HMGXB3: variants seen among roughly 807,000 people sequenced by gnomAD.
The protein encoded by HMGXB3 is HMG domain-containing protein 3.
In HMGXB3, 45 loss-of-function variants were observed where a neutral mutation model predicts 121.5. The ratio of observed to expected loss-of-function variants is 0.37; its 90% confidence interval spans 0.29 to 0.47. The LOEUF is 0.47. Ranked by LOEUF, HMGXB3 falls within the 20% of genes least tolerant of loss-of-function variation. The pLI is 0.99. For synonymous variants in HMGXB3, 590 were observed against 624.1 expected (o/e 0.95, Z 0.81); for missense variants, 1,376 against 1,602.2 (o/e 0.86, Z 2.41).
intron 1 of HMGXB3, among the ~76,000 whole-genome samples, chr5:150,003,777 A>G (rs542384044): frequency 1.2e-4 from 19 of 152,044 alleles, no homozygotes; most frequent in Non-Finnish European, 2.8e-4. Context: ...CAGCCTGGCC[A>G]ACATGGCAAA....
intron 3 of HMGXB3, 35 bp from the exon 4 acceptor site, chr5:150,010,076 G>C: frequency 6.5e-7 from 1 of 1,534,124 alleles, no homozygotes; most frequent in Non-Finnish European, 8.8e-7. Context: ...ATTTATCTCT[G>C]CTTGTCTCCC....
rs974198581 is a variant in HMGXB3 at position 150,040,846 on chromosome 5, A to G, written c.2512A>G (p.Asn838Asp). 75 of 1,551,118 alleles carry G rather than the reference A, an allele frequency of 4.8e-5. No individual in the cohort carries two copies. The highest frequency in any genetic ancestry group is 6.3e-5 in the Non-Finnish European group (72 of 1,146,816). ...CGGAGAGGACCCCAGAGTGTCCATCAATGTTGTTCTGAAGTCGGTGCAGGA... is the reference window on the plus strand; with the variant it reads ...CGGAGAGGACCCCAGAGTGTCCATCGATGTTGTTCTGAAGTCGGTGCAGGA... ...KLGEDPRVSINVVLKSVQEQT... is the reference protein window; with the variant it reads ...KLGEDPRVSIDVVLKSVQEQT... Residue 838 changes from asparagine to aspartate, a missense_variant, in exon 14 of 20, where the codon AAT (asparagine) becomes GAT (aspartate). Around this residue, in one of 2 missense-constraint regions of HMGXB3, gnomAD observed 1,116 missense variants for 1,369.0 expected, o/e 0.82. Coordinates refer to ENST00000502717, the MANE Select transcript of HMGXB3 (RefSeq NM_014983.3).
intron 5 of HMGXB3, among the ~76,000 whole-genome samples, chr5:150,018,227 A>G (rs1756003840): frequency 6.6e-6 from 1 of 152,228 alleles, no homozygotes; most frequent in Non-Finnish European, 1.5e-5. Context: ...AATAATACGT[A>G]CTTAATACGA....
At chr5:150,051,689 C>T in intron 19 of HMGXB3, 36 bp from the exon 20 acceptor site, 10 of 1,455,022 alleles carry the variant, frequency 6.9e-6, no homozygotes, top group Non-Finnish European at 9.2e-6. Context: ...CTTAGTCATT[C>T]CTTCTTATCA....
intron 18 of HMGXB3, 54 bp from the exon 19 acceptor site, chr5:150,050,198 C>A (rs926557433): frequency 7.0e-7 from 1 of 1,428,972 alleles, no homozygotes; most frequent in Non-Finnish European, 9.7e-7. Context: ...ACTGTACACT[C>A]TCTGCAGACT....
Position 150,036,770 on chromosome 5 carries a change from G to C in HMGXB3, c.2118G>C (p.Leu706=). 6.4e-7 allele frequency: 1 copy of C among 1,551,726 alleles called. No individual in the cohort carries two copies. The highest frequency in any genetic ancestry group is 8.7e-7 in the Non-Finnish European group (1 of 1,147,014). The change falls in exon 12 of 20, where the codon CTG becomes CTC. Residue 706 remains leucine (L), a synonymous_variant. Coordinates refer to ENST00000502717, the MANE Select transcript of HMGXB3 (RefSeq NM_014983.3). ...VLQIPENESE[L]AEVFALIHEL... The stretch of plus-strand genomic sequence containing the variant: ...AGATTCCTGAGAATGAGTCAGAGCT[G>C]GCTGAGGTCTTCGCCTTGATTCATG...
At chr5:150,029,053 G>A (rs778098386) in intron 9 of HMGXB3, among the ~76,000 whole-genome samples, 1 of 152,028 alleles carries the variant, frequency 6.6e-6, no homozygotes, top group Non-Finnish European at 1.5e-5. Flanking sequence ...AGAAAATTCA[G>A]GTAAAGGAGA....
intron 16 of HMGXB3, 173 bp from the exon 17 acceptor site, chr5:150,047,451 T>C: frequency 2.9e-6 from 2 of 692,160 alleles, no homozygotes; most frequent in Non-Finnish European, 4.8e-6. Context: ...CCAGTTGTAA[T>C]AGACTTCAAA....
chr5:150,024,023 A>G (rs1756162205), intron 6 of HMGXB3, among the ~76,000 whole-genome samples: 1 of 152,260 alleles, frequency 6.6e-6, no homozygotes, highest in Admixed American at 6.5e-5. Flanking sequence ...ATAAGAATTC[A>G]TTAGAAGATG....
Position 150,041,952 on chromosome 5 carries a change from G to A in HMGXB3, c.2713G>A (p.Ala905Thr). 1 of 1,551,490 alleles carries A rather than the reference G, an allele frequency of 6.4e-7. No individual in the cohort carries two copies. Among genetic ancestry groups the A allele is most frequent in the Non-Finnish European group, 8.7e-7 (1 of 1,146,844 alleles). Residue 905 changes from alanine to threonine, a missense_variant, in exon 15 of 20, where the codon GCA becomes ACA. Physicochemically the swap from Ala to Thr is moderately conservative, Grantham distance 58. Coordinates refer to ENST00000502717, the MANE Select transcript of HMGXB3 (RefSeq NM_014983.3). The stretch of plus-strand genomic sequence containing the variant: ...TCAGAGGAGTGAAGAGAATGTGCTA[G>A]CACTGAAGAGCGTGGAGGTAAGTGC... ...MAQRSEENVLALKSVEFTWPE... is the reference protein window; with the variant it reads ...MAQRSEENVLTLKSVEFTWPE...
chr5:150,034,828 G>A (rs1022356804), intron 11 of HMGXB3, among the ~76,000 whole-genome samples: 64 of 152,118 alleles, frequency 4.2e-4, no homozygotes, highest in South Asian at 4.2e-4. Context: ...CATCTCTGGC[G>A]AGAGTCACGG....
At chr5:150,042,398 A>G (rs1005117848) in intron 15 of HMGXB3, among the ~76,000 whole-genome samples, 4 of 152,184 alleles carry the variant, frequency 2.6e-5, no homozygotes, top group African/African-American at 7.2e-5. Context: ...GAACAGTGTC[A>G]TGGGAAAGGG....
intron 9 of HMGXB3, 103 bp downstream of exon 9, chr5:150,027,220 G>T (rs1756253859): frequency 2.5e-6 from 2 of 803,634 alleles, no homozygotes; most frequent in South Asian, 4.2e-5. Flanking sequence ...TTACACGTTG[G>T]CAGACCTCTG....
At chr5:150,034,324 C>T (rs1756451891) in intron 11 of HMGXB3, among the ~76,000 whole-genome samples, 1 of 152,124 alleles carries the variant, frequency 6.6e-6, no homozygotes, top group Non-Finnish European at 1.5e-5. Context: ...TCTGTTTTTC[C>T]TGCACCTTCT....
At chr5:150,031,052 T>G (rs1756364469) in intron 10 of HMGXB3, among the ~76,000 whole-genome samples, 1 of 152,162 alleles carries the variant, frequency 6.6e-6, no homozygotes, top group African/African-American at 2.4e-5. Context: ...CCAGGTGAGA[T>G]TTATAAAGTG....
At chr5:150,043,876 C>T (rs532934381) in intron 15 of HMGXB3, among the ~76,000 whole-genome samples, 8 of 152,340 alleles carry the variant, frequency 5.3e-5, no homozygotes, top group Admixed American at 3.9e-4. Context: ...AGTCTGCACC[C>T]TAAGCACTGC....
intron 5 of HMGXB3, 145 bp from the exon 6 acceptor site, chr5:150,018,421 C>A: frequency 1.8e-6 from 1 of 568,166 alleles, no homozygotes; most frequent in Non-Finnish European, 2.8e-6. Context: ...TATTGTAGGA[C>A]CTTTCCAACA....
Position 150,030,744 on chromosome 5 carries a change from C to T in HMGXB3, c.1738C>T (p.Pro580Ser), listed in dbSNP as rs1198135329. 2 of 1,551,642 alleles carry T rather than the reference C, an allele frequency of 1.3e-6. No homozygotes were observed. Among genetic ancestry groups the T allele is most frequent in the African/African-American group, 1.4e-5 (1 of 73,150 alleles). The change falls in exon 10 of 20, where the codon CCA (proline) becomes TCA (serine). Residue 580 changes from proline (P) to serine (S), a missense_variant. Around this residue, in one of 2 missense-constraint regions of HMGXB3, gnomAD observed 1,116 missense variants for 1,369.0 expected, o/e 0.82. Coordinates refer to ENST00000502717, the MANE Select transcript of HMGXB3 (RefSeq NM_014983.3). ...AATAATTTGTTCTGATCCACAGCTA[C>T]CAAGTGGCCCATCCAACAGGACTTC... is the stretch of plus-strand genomic sequence containing the variant. ...QPSGPGEVKL[P>S]SGPSNRTSQV...
At chr5:150,045,217 G>T (rs892808881) in intron 15 of HMGXB3, among the ~76,000 whole-genome samples, 3 of 152,190 alleles carry the variant, frequency 2.0e-5, no homozygotes, top group Non-Finnish European at 4.4e-5. Flanking sequence ...ATAAACAAAG[G>T]TATAGAAACA....
Sources: gnomAD v4.1 joint callset for allele counts (sites outside exome capture counted in the v4.1 genomes callset) on GRCh38, gnomAD v4.1.1 for gene constraint, gnomAD v4.1.1 regional missense constraint, MANE v1.5 for transcripts, NCBI Gene and HGNC (gene_info 2026-07-23, HGNC 2026-07-21) for gene names.